The following MACO1 variants were observed in gnomAD, a reference collection of about 807,000 sequenced individuals.
MACO1 encodes the protein macoilin.
MACO1 carries 14 observed loss-of-function variants against 78.7 expected under a neutral mutation model. That is an observed-to-expected ratio of 0.18 (90% confidence interval 0.12 to 0.28). MACO1 has a LOEUF of 0.28. Among genes scored for constraint, MACO1 ranks in the 10% least tolerant of loss-of-function variants. The pLI is 1.00. For missense variants in MACO1, 501 were observed against 799.0 expected, an observed-to-expected ratio of 0.63 and a Z score of 4.50; for synonymous variants, 288 against 291.6, an observed-to-expected ratio of 0.99 and a Z score of 0.12.
At chr1:25,480,929 A>AAAATATATAT (rs1553166539) in intron 6 of MACO1, among the ~76,000 whole-genome samples, 9 of 47,864 alleles carry the variant, frequency 1.9e-4, no homozygotes, top group Non-Finnish European at 2.1e-4. Context: ...AAAAAAAAAA[A>AAAATATATAT]ATATATATAT....
intron 9 of MACO1, 101 bp from the exon 10 acceptor site, chr1:25,491,309 C>G: frequency 2.0e-6 from 3 of 1,516,364 alleles, no homozygotes; most frequent in Non-Finnish European, 2.7e-6. Flanking sequence ...TTCTAGTGGC[C>G]AGACCAAGAA....
At chr1:25,459,766 C>T (rs185173124) in intron 6 of MACO1, among the ~76,000 whole-genome samples, 47 of 152,260 alleles carry the variant, frequency 3.1e-4, no homozygotes, top group Middle Eastern at 3.4e-3. Flanking sequence ...TGTGAGCCAC[C>T]GTGCCCGGCC....
rs1473646240 is a variant in MACO1, at chr1:25,484,072, G to A, written c.1155-44G>A. ...CACCAGGTCCCTCCCAGCTCTGTGG[G>A]TGCCCTCACCTAGATGAAAATGCTG... is the stretch of plus-strand genomic sequence containing the variant. On this transcript the variant is annotated intron_variant, in intron 6 of 10. Coordinates refer to ENST00000374343, the MANE Select transcript of MACO1 (RefSeq NM_018202.6). The A allele has an allele frequency of 3.2e-6, 5 of 1,567,348 alleles. No individual in the cohort carries two copies. In the Admixed American group the frequency reaches 9.4e-5, roughly 29 times the overall value.
chr1:25,439,822 C>T (rs1380005158), intron 1 of MACO1, among the ~76,000 whole-genome samples: 1 of 151,546 alleles, frequency 6.6e-6, no homozygotes, highest in Non-Finnish European at 1.5e-5. Flanking sequence ...AGTTTGAGAC[C>T]AGCCTGACCA....
chr1:25,487,564 G>A (rs1388651141), intron 8 of MACO1, among the ~76,000 whole-genome samples: 1 of 152,218 alleles, frequency 6.6e-6, no homozygotes, highest in African/African-American at 2.4e-5. Context: ...AACCTAGACA[G>A]TACCAGCTTT....
At chr1:25,458,294 A>G (rs1209822329) in intron 5 of MACO1, 97 bp from the exon 6 acceptor site, 18 of 1,463,032 alleles carry the variant, frequency 1.2e-5, no homozygotes, top group Admixed American at 2.5e-5. Context: ...GAATTTCTTA[A>G]GTGTAGATAA....
Position 25,485,234 on chromosome 1 carries a change from T to TC in MACO1, c.1314-376dup, listed in dbSNP as rs1189509878. On this transcript the variant is annotated intron_variant, in intron 7 of 10. Transcript: ENST00000374343. The surrounding 1 kb of genome is among the most constrained non-coding windows in gnomAD (Gnocchi z 4.3). ...CTTACCTTAGTTTCACTGGGGCTGG[T>TC]CCCATCAGTGGTTCTTTGGTGGGAC... is the stretch of plus-strand genomic sequence containing the variant. Among the ~76,000 whole-genome samples the TC allele has an allele frequency of 6.6e-6, 1 of 152,178 alleles. No individual in the cohort carries two copies. The highest frequency in any genetic ancestry group is 1.9e-4 in the East Asian group (1 of 5,202).
intron 6 of MACO1, among the ~76,000 whole-genome samples, chr1:25,467,483 C>CA (rs2043229876): frequency 6.6e-6 from 1 of 152,134 alleles, no homozygotes. Context: ...TTTGAGTTAA[C>CA]AAAATACTAA....
intron 6 of MACO1, among the ~76,000 whole-genome samples, chr1:25,479,796 T>A (rs1000357654): frequency 6.6e-6 from 1 of 152,202 alleles, no homozygotes; most frequent in African/African-American, 2.4e-5. Context: ...TAGGATTGTA[T>A]AGTACGTCCA....
chr1:25,434,449 A>G (rs1004621915), intron 1 of MACO1, among the ~76,000 whole-genome samples: 2 of 152,202 alleles, frequency 1.3e-5, no homozygotes, highest in African/African-American at 4.8e-5. Flanking sequence ...AGGATAACAC[A>G]TGGCTCATTG....
At chr1:25,482,954 A>T (rs2124606664) in intron 6 of MACO1, among the ~76,000 whole-genome samples, 1 of 152,306 alleles carries the variant, frequency 6.6e-6, no homozygotes, top group South Asian at 2.1e-4. Context: ...TTATTGTTTA[A>T]TCATTTAAAT....
intron 1 of MACO1, among the ~76,000 whole-genome samples, chr1:25,438,029 AGAATG>A (rs1314703709): frequency 1.3e-5 from 2 of 152,248 alleles, no homozygotes; most frequent in Non-Finnish European, 2.9e-5. Context: ...AAAAAAATCT[AGAATG>A]GAAATCGCTA....
In MACO1 at chr1:25,498,446, T is replaced by G; in HGVS notation, c.1975T>G (p.Tyr659Asp). Reference sequence around the variant, plus strand: ...TGGACTTGACCCCAATGCCTCTGTTTACCAGCCCCTGAAGAAATGAAGGCC... The same window carrying G: ...TGGACTTGACCCCAATGCCTCTGTTGACCAGCCCCTGAAGAAATGAAGGCC... ...PSGLDPNASV[Y>D]QPLKK is the part of the protein sequence containing the mutation. Residue 659 changes from tyrosine (Y) to aspartate (D), a missense_variant, in exon 11 of 11, where the codon TAC becomes GAC. Transcript: ENST00000374343. The G allele has an allele frequency of 6.2e-7, 1 of 1,611,832 alleles. No homozygotes were observed. The highest frequency in any genetic ancestry group is 8.5e-7 in the Non-Finnish European group (1 of 1,179,174).
rs1248249936 is a variant in MACO1 at position 25,496,349 on chromosome 1, T to C, written c.1793-1915T>C. ...TTTTTGTAGAGACAGGGTTTTGTCA[T>C]GTTGCCCGGGCTGGTCTCGAACTCC... On this transcript the variant is annotated intron_variant, in intron 10 of 10. Transcript: ENST00000374343. 4.6e-5 allele frequency among the ~76,000 whole-genome samples: 7 copies of C among 152,088 alleles called. No individual in the cohort carries two copies. The East Asian group carries it at 1.4e-3, about 29-fold the overall frequency.
chr1:25,467,441 C>A (rs2043229592), intron 6 of MACO1, among the ~76,000 whole-genome samples: 1 of 152,144 alleles, frequency 6.6e-6, no homozygotes, highest in African/African-American at 2.4e-5. Context: ...TTACTTCTTT[C>A]AGTTTCCTTG....
Position 25,435,798 on chromosome 1 carries a change from A to G in MACO1, c.80+4620A>G, listed in dbSNP as rs552136553. 7.9e-5 allele frequency among the ~76,000 whole-genome samples: 12 copies of G among 152,356 alleles called. No homozygotes were observed. In the South Asian group the frequency reaches 2.3e-3, roughly 29 times the overall value. ...GGGAAGGAGAAATTGAAATGTTTTC[A>G]CTAACCTGTGCAGTGAAGTGTTTAT... On this transcript the variant is annotated intron_variant, in intron 1 of 10. Transcript: ENST00000374343.
rs2043566752 is a variant in MACO1, at chr1:25,499,375, A to G, written c.*909A>G. On this transcript the variant is annotated 3_prime_UTR_variant, in exon 11 of 11. Coordinates refer to ENST00000374343, the MANE Select transcript of MACO1 (RefSeq NM_018202.6). Reference sequence around the variant, plus strand: ...TTGCCTCCAGTAAAGTGCCCTGGGAAGGGAGCTGGGCAGTGTTTGTGGACG... The same window carrying G: ...TTGCCTCCAGTAAAGTGCCCTGGGAGGGGAGCTGGGCAGTGTTTGTGGACG... The G allele has an allele frequency of 6.6e-6, 1 of 151,814 alleles. No individual in the cohort carries two copies. Among genetic ancestry groups the G allele is most frequent in the Non-Finnish European group, 1.5e-5 (1 of 68,010 alleles). 9.4% of individuals were successfully genotyped at this position (151,814 alleles called of 1,614,324 possible).
rs186837652 is a variant in MACO1, at chr1:25,483,495, C to T, written c.1155-621C>T. On this transcript the variant is annotated intron_variant, in intron 6 of 10. Coordinates refer to ENST00000374343, the MANE Select transcript of MACO1 (RefSeq NM_018202.6). ...ACGAGAAAAGATAGGCTTCATTTTA[C>T]AGATGGAGTTCTCTTATGATTCTTA... Among the ~76,000 whole-genome samples, 17 of 152,340 alleles carry T rather than the reference C, an allele frequency of 1.1e-4. 1 individual carries two copies. Among genetic ancestry groups the T allele is most frequent in the Non-Finnish European group, 2.5e-4 (17 of 68,030 alleles).
rs1166653485 is a variant in MACO1 at position 25,454,488 on chromosome 1, A to ATTT, written c.473+118_473+120dup. The ATTT allele has an allele frequency of 3.5e-3, 252 of 72,370 alleles. 5 individuals carry two copies. Among genetic ancestry groups the ATTT allele is most frequent in the African/African-American group, 9.3e-3 (227 of 24,382 alleles). The allele number at this position is 72,370 out of a possible 1,614,324, so 4.5% of individuals were successfully genotyped here. A position where few individuals can be genotyped will look rare whatever the true frequency, so the allele number is the denominator to read the frequency against. The stretch of plus-strand genomic sequence containing the variant: ...TGTGTGTGTATATATATATATATAT[A>ATTT]TTTTTTTTTTTTTTAGACGGAGTCT... On this transcript the variant is annotated intron_variant, in intron 4 of 10. Coordinates refer to ENST00000374343, the MANE Select transcript of MACO1 (RefSeq NM_018202.6).
Sources: allele counts gnomAD v4.1 joint callset (sites outside exome capture counted in the v4.1 genomes callset), GRCh38; gene constraint gnomAD v4.1.1; non-coding constraint Gnocchi (gnomAD v3.1); transcripts MANE v1.5; gene names NCBI Gene and HGNC (gene_info 2026-07-23, HGNC 2026-07-21).